Variants in FNTB observed in about 807,000 individuals in gnomAD.
FNTB encodes protein farnesyltransferase subunit beta.
Under a neutral mutation model 59.4 loss-of-function variants are expected in FNTB, and 27 were observed. The ratio of observed to expected loss-of-function variants is 0.45; its 90% CI spans 0.34 to 0.63. FNTB has a LOEUF of 0.63. FNTB is among the 20% of genes least tolerant of loss of function. The probability of loss-of-function intolerance (pLI) is 0.02; values close to 1 mark genes in which losing one functional copy is unlikely to be tolerated. For synonymous variants in FNTB, 230 were observed against 220.7 expected (o/e 1.04, Z -0.37); for missense variants, 449 against 559.6 (o/e 0.80, Z 1.99).
rs1173808108 is a variant in FNTB, at chr14:65,005,450, T to TTTCC, written c.209+1140_209+1141insCTTC. Among the ~76,000 whole-genome samples, 10 of 44,774 alleles carry TTTCC rather than the reference T, an allele frequency of 2.2e-4. No homozygotes were observed. In the South Asian group the frequency reaches 5.8e-3, roughly 26 times the overall value. The allele number at this position is 44,774 out of a possible 152,430, so 29.4% of individuals were successfully genotyped here. On this transcript the variant is annotated intron_variant, in intron 2 of 11. Transcript: ENST00000246166. Reference sequence around the variant, plus strand: ...GATGGAACACTTTCTCTTCCTTTCTTTTCTTTCTTTCTTTCTTTCTTTCTT... The same window carrying TTTCC: ...GATGGAACACTTTCTCTTCCTTTCTTTTCCTTCTTTCTTTCTTTCTTTCTTTCTT...
At chr14:65,035,832 C>CT (rs879845454) in intron 7 of FNTB, among the ~76,000 whole-genome samples, 159 of 144,550 alleles carry the variant, frequency 1.1e-3, no homozygotes, top group South Asian at 2.2e-3. Flanking sequence ...CTGCGCCCAG[C>CT]TTTTTTTTTT....
rs892847629 is a variant in FNTB at position 65,054,477 on chromosome 14, A to G, written c.1068-98A>G. ...CTAGCCACATGGAGGATGGGGGGGG[A>G]CGTGTGATTGCACCAGTGGTCTCTG... is the stretch of plus-strand genomic sequence containing the variant. On this transcript the variant is annotated intron_variant, in intron 10 of 11. Transcript: ENST00000246166. The surrounding 1 kb of genome is among the most constrained non-coding windows in gnomAD (Gnocchi z 4.4). 6 of 1,180,558 alleles carry G rather than the reference A, an allele frequency of 5.1e-6. No individual in the cohort carries two copies. The highest frequency in any genetic ancestry group is 7.2e-6 in the Non-Finnish European group (6 of 832,366). The allele number at this position is 1,180,558 out of a possible 1,614,324, so 73.1% of individuals were successfully genotyped here.
At chr14:65,002,231 A>T (rs966222789) in intron 1 of FNTB, among the ~76,000 whole-genome samples, 1 of 152,214 alleles carries the variant, frequency 6.6e-6, no homozygotes, top group Non-Finnish European at 1.5e-5. Context: ...ACGCTCCCTC[A>T]TTACTATACC....
At chr14:65,043,746 C>T (rs573149770) in intron 8 of FNTB, among the ~76,000 whole-genome samples, 6 of 140,638 alleles carry the variant, frequency 4.3e-5, no homozygotes, top group East Asian at 2.2e-4. Context: ...GGCGTGAACC[C>T]GGGAAGCGGA....
chr14:65,062,589 T>G lies in FNTB; in HGVS notation c.*1277T>G, dbSNP rs532899140. 1 of 152,792 alleles carries G rather than the reference T, an allele frequency of 6.5e-6. No individual in the cohort carries two copies. The highest frequency in any genetic ancestry group is 1.5e-5 in the Non-Finnish European group (1 of 68,040). The allele number at this position is 152,792 out of a possible 1,614,324, so 9.5% of individuals were successfully genotyped here. On this transcript the variant is annotated 3_prime_UTR_variant, in exon 12 of 12. Transcript: ENST00000246166. This position sits in a 1 kb window ranked among gnomAD's most constrained non-coding sequence, Gnocchi z 4.3. The stretch of plus-strand genomic sequence containing the variant: ...TGGCCATTTGCTGCCTCTAATTCCC[T>G]TTTGCTTTGCCATATTGGGCTATGT...
chr14:65,012,488 CAG>C lies in FNTB; in HGVS notation c.282+102_282+103del. On this transcript the variant is annotated intron_variant, in intron 3 of 11. Transcript: ENST00000246166. This position sits in a 1 kb window ranked among gnomAD's most constrained non-coding sequence, Gnocchi z 5.0. ...AAAGACTGTTGGGGCTGACCTGTTG[CAG>C]AGTCACTCTTTGTTCTCTGTGGCTC... 1.4e-6 allele frequency: 2 copies of C among 1,479,158 alleles called. No individual in the cohort carries two copies. The highest frequency in any genetic ancestry group is 1.9e-6 in the Non-Finnish European group (2 of 1,080,510). The allele number at this position is 1,479,158 out of a possible 1,614,324, so 91.6% of individuals were successfully genotyped here.
intron 4 of FNTB, among the ~76,000 whole-genome samples, chr14:65,026,801 G>T (rs931149034): frequency 6.6e-6 from 1 of 151,846 alleles, no homozygotes; most frequent in Non-Finnish European, 1.5e-5. Flanking sequence ...GACGGATGCT[G>T]CAATGAGCTG....
intron 1 of FNTB, among the ~76,000 whole-genome samples, chr14:65,003,009 C>A (rs572998848): frequency 6.6e-6 from 1 of 152,194 alleles, no homozygotes; most frequent in South Asian, 2.1e-4. Context: ...GTTTAGCAAC[C>A]AGGAAGTGGG....
chr14:65,037,752 AT>A (rs751540053), intron 7 of FNTB, among the ~76,000 whole-genome samples: 5,881 of 102,286 alleles, frequency 0.057, 149 homozygotes, highest in Non-Finnish European at 0.082. Flanking sequence ...TTATTTATTT[AT>A]TTATTTATTT....
Position 65,012,162 on chromosome 14 carries a change from C to A in FNTB, c.210-155C>A. 1.2e-6 allele frequency: 1 copy of A among 825,572 alleles called. No homozygotes were observed. Among genetic ancestry groups the A allele is most frequent in the Non-Finnish European group, 1.9e-6 (1 of 527,492 alleles). 51.1% of individuals were successfully genotyped at this position (825,572 alleles called of 1,614,324 possible). On this transcript the variant is annotated intron_variant, in intron 2 of 11. Transcript: ENST00000246166. The surrounding 1 kb of genome is among the most constrained non-coding windows in gnomAD (Gnocchi z 5.0). ...GCTTCTTTTCTCTGGTTTAGTTGCT[C>A]TTTGGAACCAGAGAAGTTGCTGGTT...
intron 9 of FNTB, among the ~76,000 whole-genome samples, chr14:65,051,223 C>G (rs984717231): frequency 5.9e-5 from 9 of 152,232 alleles, no homozygotes; most frequent in Admixed American, 1.3e-4. Context: ...CACCTGGCCA[C>G]TGTCCCTCAC....
chr14:65,038,037 T>A (rs1342412249), intron 7 of FNTB, among the ~76,000 whole-genome samples: 3 of 151,928 alleles, frequency 2.0e-5, no homozygotes, highest in Non-Finnish European at 4.4e-5. Flanking sequence ...AGTGCTGGGA[T>A]TACAGGCATG....
chr14:65,053,811 C>T (rs1208411353), intron 10 of FNTB, among the ~76,000 whole-genome samples: 1 of 152,116 alleles, frequency 6.6e-6, no homozygotes, highest in Non-Finnish European at 1.5e-5. Context: ...ACCTTTGTTA[C>T]CCACCCTCTG....
chr14:65,000,621 C>A (rs1888557110), intron 1 of FNTB, among the ~76,000 whole-genome samples: 2 of 151,818 alleles, frequency 1.3e-5, no homozygotes, highest in African/African-American at 2.4e-5. Context: ...GAGATCGAGA[C>A]CATCCTGGCT....
At chr14:65,018,621 C>G (rs1407448082) in intron 4 of FNTB, among the ~76,000 whole-genome samples, 1 of 151,866 alleles carries the variant, frequency 6.6e-6, no homozygotes, top group Non-Finnish European at 1.5e-5. Flanking sequence ...ACCAGCCTGG[C>G]CAACATGGGG....
At chr14:65,036,303 C>T (rs1006610543) in intron 7 of FNTB, among the ~76,000 whole-genome samples, 2 of 152,040 alleles carry the variant, frequency 1.3e-5, no homozygotes, top group Non-Finnish European at 2.9e-5. Flanking sequence ...GTGGCGTGAT[C>T]TTGGCTCACT....
rs377762439 is a variant in FNTB at position 64,994,756 on chromosome 14, G to A, written c.144+7659G>A. 3.9e-5 allele frequency among the ~76,000 whole-genome samples: 6 copies of A among 152,280 alleles called. No homozygotes were observed. The East Asian group carries it at 9.6e-4, about 24-fold the overall frequency. On this transcript the variant is annotated intron_variant, in intron 1 of 11. Transcript: ENST00000246166. The surrounding 1 kb of genome is among the most constrained non-coding windows in gnomAD (Gnocchi z 4.2). ...GAATGAATGTGAAGCCCTAGGATAT[G>A]AGTGTACACTACTGTAGACTTTATA...
At chr14:65,059,331 C>G (rs957575050) in intron 11 of FNTB, among the ~76,000 whole-genome samples, 2 of 151,776 alleles carry the variant, frequency 1.3e-5, no homozygotes, top group Admixed American at 1.3e-4. Context: ...CCGCACTAGC[C>G]CCTTTTTTTT....
At position 64,990,335 on chromosome 14, in the gene FNTB, C is replaced by T. The variant is rs775445645; in HGVS notation, c.144+3238C>T. Among the ~76,000 whole-genome samples the T allele has an allele frequency of 1.1e-4, 16 of 152,066 alleles. No individual in the cohort carries two copies. Among genetic ancestry groups the T allele is most frequent in the African/African-American group, 2.2e-4 (9 of 41,378 alleles). Reference sequence around the variant, plus strand: ...GACAGGTTGCCTTGCTTTATGGCTGCGGGCCATGGGAAGTATTGCTGGGGG... The same window carrying T: ...GACAGGTTGCCTTGCTTTATGGCTGTGGGCCATGGGAAGTATTGCTGGGGG... On this transcript the variant is annotated intron_variant, in intron 1 of 11. Coordinates refer to ENST00000246166, the MANE Select transcript of FNTB (RefSeq NM_002028.4). The surrounding 1 kb of genome is among the most constrained non-coding windows in gnomAD (Gnocchi z 5.2).
Sources: allele counts gnomAD v4.1 joint callset (sites outside exome capture counted in the v4.1 genomes callset), GRCh38; gene constraint gnomAD v4.1.1; non-coding constraint Gnocchi (gnomAD v3.1); transcripts MANE v1.5; gene names NCBI Gene and HGNC (gene_info 2026-07-23, HGNC 2026-07-21).